The following MS4A18 variants were observed in gnomAD, a reference collection of about 807,000 sequenced individuals.
The protein encoded by MS4A18 is membrane-spanning 4-domains subfamily A member 18.
Under a neutral mutation model 13.1 loss-of-function variants are expected in MS4A18, and 27 were observed. That is an observed-to-expected ratio of 2.06 (90% confidence interval 1.52 to 2.84). MS4A18 has a LOEUF of 2.84. Ranked by LOEUF, MS4A18 falls within the 30% of genes most tolerant of loss-of-function variation. MS4A18 has a pLI of 0.00. For synonymous variants in MS4A18, 126 were observed against 76.5 expected (o/e 1.65, Z -3.38); for missense variants, 307 against 196.4 (o/e 1.56, Z -3.37).
At chr11:60,737,694 A>G (rs555051543) in intron 3 of MS4A18, among the ~76,000 whole-genome samples, 2 of 152,278 alleles carry the variant, frequency 1.3e-5, no homozygotes, top group South Asian at 2.1e-4. Flanking sequence ...GAGCTCCACA[A>G]TGGCCCTTCT....
chr11:60,730,255 C>T (rs1392624121), intron 1 of MS4A18, among the ~76,000 whole-genome samples: 1 of 152,200 alleles, frequency 6.6e-6, no homozygotes, highest in Non-Finnish European at 1.5e-5. Flanking sequence ...ATTTCCTTTT[C>T]AATCAAGGGG....
At chr11:60,726,538 G>C (rs1853163876), upstream of MS4A18, among the ~76,000 whole-genome samples, 1 of 152,100 alleles carries the variant, frequency 6.6e-6, no homozygotes, top group Non-Finnish European at 1.5e-5. Context: ...CTTTCTAGTA[G>C]CTCTGGGGAG....
At chr11:60,736,028 T>G (rs1177257551) in intron 2 of MS4A18, among the ~76,000 whole-genome samples, 1 of 152,188 alleles carries the variant, frequency 6.6e-6, no homozygotes, top group Non-Finnish European at 1.5e-5. Flanking sequence ...GGCTTGGCTT[T>G]GCTTGTTTAC....
At chr11:60,733,570 TCTGCAATTAACC>T in exon 2 of MS4A18, 1 of 703,498 alleles carries the variant, frequency 1.4e-6, no homozygotes, top group East Asian at 2.7e-5. Flanking sequence ...GCACATTTTC[TCTGCAATTAACC>T]CTGTGCTGTA....
intron 5 of MS4A18, among the ~76,000 whole-genome samples, chr11:60,742,505 G>A (rs556054886): frequency 1.6e-4 from 25 of 152,298 alleles, no homozygotes; most frequent in Non-Finnish European, 2.6e-4. Flanking sequence ...ATCTACCAAT[G>A]TCTATTTTGG....
At chr11:60,732,072 CT>C (rs1310284352) in intron 1 of MS4A18, among the ~76,000 whole-genome samples, 1 of 152,134 alleles carries the variant, frequency 6.6e-6, no homozygotes, top group East Asian at 1.9e-4. Context: ...CAGAAAGCAG[CT>C]GCCCTAGGCT....
rs558926187 is a variant in MS4A18 at position 60,729,557 on chromosome 11, A to G, written c.242A>G (p.Gln81Arg). Residue 81 changes from glutamine (Q) to arginine (R), a missense_variant, in exon 1 of 6, where the codon CAG becomes CGG. Transcript: ENST00000529108. ...GTACAGAGTCAACCCATTGGGTATCAGCGACAGTATCCAGTGGGAACAGCC... is the reference window on the plus strand; with the variant it reads ...GTACAGAGTCAACCCATTGGGTATCGGCGACAGTATCCAGTGGGAACAGCC... The G allele has an allele frequency of 8.5e-6, 6 of 702,808 alleles. No individual in the cohort carries two copies. In the South Asian group the frequency reaches 8.9e-5, roughly 10 times the overall value. 43.5% of individuals were successfully genotyped at this position (702,808 alleles called of 1,614,324 possible).
At chr11:60,741,949 T>G (rs1455209637) in intron 5 of MS4A18, among the ~76,000 whole-genome samples, 2 of 152,154 alleles carry the variant, frequency 1.3e-5, no homozygotes, top group Non-Finnish European at 2.9e-5. Flanking sequence ...TCCAACATAC[T>G]TTAGTGAGAG....
chr11:60,728,968 G>T (rs533655803), upstream of MS4A18, among the ~76,000 whole-genome samples: 1 of 152,296 alleles, frequency 6.6e-6, no homozygotes, highest in South Asian at 2.1e-4. Flanking sequence ...GCCAGGGCAG[G>T]GGGCAAGATG....
chr11:60,743,824 A>T (rs1446638352), exon 6 of MS4A18: 2 of 702,858 alleles, frequency 2.8e-6, no homozygotes, highest in Non-Finnish European at 5.2e-6. Context: ...TGTCAACACC[A>T]CCACCAGCCC....
At chr11:60,729,742 T>C (rs1450193313) in exon 1 of MS4A18, 1 of 702,546 alleles carries the variant, frequency 1.4e-6, no homozygotes, top group East Asian at 2.7e-5. Context: ...ATTTACTTCA[T>C]TTAATCCCAA....
At chr11:60,739,668 T>C (rs1032417106) in intron 4 of MS4A18, among the ~76,000 whole-genome samples, 3 of 152,138 alleles carry the variant, frequency 2.0e-5, no homozygotes, top group South Asian at 2.1e-4. Flanking sequence ...CAAAAACTGC[T>C]CCTGAGGGGC....
intron 4 of MS4A18, among the ~76,000 whole-genome samples, chr11:60,740,154 G>A (rs1157000565): frequency 2.0e-5 from 3 of 152,232 alleles, no homozygotes; most frequent in Non-Finnish European, 4.4e-5. Context: ...AATCCTAAAG[G>A]TGGTCATTTG....
chr11:60,736,772 A>G (rs1853345869), intron 2 of MS4A18, among the ~76,000 whole-genome samples: 1 of 152,208 alleles, frequency 6.6e-6, no homozygotes, highest in African/African-American at 2.4e-5. Flanking sequence ...GACCCACAGG[A>G]GTTTGAGTAT....
At chr11:60,729,553 T>C (rs2134673499) in exon 1 of MS4A18, 1 of 702,714 alleles carries the variant, frequency 1.4e-6, no homozygotes. Flanking sequence ...ACCCATTGGG[T>C]ATCAGCGACA....
At chr11:60,724,876 C>T (rs1457304949), upstream of MS4A18, among the ~76,000 whole-genome samples, 3 of 152,146 alleles carry the variant, frequency 2.0e-5, no homozygotes, top group Non-Finnish European at 2.9e-5. Flanking sequence ...GGCGGTCCCT[C>T]GGAAGTGTCT....
intron 4 of MS4A18, among the ~76,000 whole-genome samples, chr11:60,740,429 A>T (rs1465390710): frequency 2.0e-5 from 3 of 152,122 alleles, no homozygotes; most frequent in African/African-American, 7.2e-5. Context: ...TCCCATCCCA[A>T]CCTGTCAAGG....
At chr11:60,740,528 C>T (rs941882176) in intron 4 of MS4A18, among the ~76,000 whole-genome samples, 6 of 152,218 alleles carry the variant, frequency 3.9e-5, no homozygotes, top group Non-Finnish European at 7.3e-5. Context: ...TGTCTATCCC[C>T]TGGCCCCAGG....
chr11:60,735,850 G>C (rs1256288938), intron 2 of MS4A18, among the ~76,000 whole-genome samples: 5 of 150,414 alleles, frequency 3.3e-5, no homozygotes, highest in African/African-American at 1.2e-4. Context: ...TTTCAGTAGA[G>C]ACAGGGTTTC....
Sources: allele counts gnomAD v4.1 joint callset (sites outside exome capture counted in the v4.1 genomes callset), GRCh38; gene constraint gnomAD v4.1.1; transcripts MANE v1.5; gene names NCBI Gene and HGNC (gene_info 2026-07-23, HGNC 2026-07-21).